Variants in TCEANC2 observed in about 807,000 individuals in gnomAD.
TCEANC2 encodes transcription elongation factor A N-terminal and central domain containing 2, also known as transcription elongation factor A N-terminal and central domain-containing protein 2.
A neutral mutation model predicts 22.8 loss-of-function variants in TCEANC2; 20 were observed. The observed-to-expected ratio is 0.88, with a 90% confidence interval of 0.62 to 1.28. The LOEUF (loss-of-function observed/expected upper bound fraction) is 1.28, where lower values mean the gene tolerates loss of function less well. TCEANC2 is among the 50% of genes most tolerant of loss of function. The probability of loss-of-function intolerance (pLI) is 0.00; values close to 1 mark genes in which losing one functional copy is unlikely to be tolerated. For missense variants in TCEANC2, 251 were observed against 249.7 expected (o/e 1.01, Z -0.03); for synonymous variants, 84 against 95.5 (o/e 0.88, Z 0.70).
At chr1:54,110,868 T>C (rs1658827923), downstream of TCEANC2, among the ~76,000 whole-genome samples, 1 of 152,076 alleles carries the variant, frequency 6.6e-6, no homozygotes, top group Non-Finnish European at 1.5e-5. Context: ...CGAGGTGACT[T>C]CTTGTCCTTC....
rs536856173 is a variant in TCEANC2, at chr1:54,068,261, G to T, written c.103-495G>T. Reference sequence around the variant, plus strand: ...CATTATAAATAGTGGGTTACTCTCTGTATCTTTCTATGTGTTTGAAGTTTT... The same window carrying T: ...CATTATAAATAGTGGGTTACTCTCTTTATCTTTCTATGTGTTTGAAGTTTT... On this transcript the variant is annotated intron_variant, in intron 2 of 4. Transcript: ENST00000234827. 5.3e-5 allele frequency among the ~76,000 whole-genome samples: 8 copies of T among 152,312 alleles called. No individual in the cohort carries two copies. The South Asian group carries it at 1.7e-3, about 32-fold the overall frequency.
intron 2 of TCEANC2, among the ~76,000 whole-genome samples, chr1:54,063,521 C>G (rs1350293998): frequency 1.3e-5 from 2 of 152,122 alleles, no homozygotes; most frequent in African/African-American, 4.8e-5. Context: ...TAGTCTAAAT[C>G]ATTTCTAGAT....
Position 54,097,130 on chromosome 1 carries a change from G to T in TCEANC2, c.*657G>T, listed in dbSNP as rs1658573387. ...CCTCAGGGTTTATTTGAATACGCTG[G>T]CGCTCTCAGTTTAGGGCTCTGTAGA... On this transcript the variant is annotated 3_prime_UTR_variant, in exon 5 of 5. Transcript: ENST00000234827. 7.5e-6 allele frequency: 2 copies of T among 265,950 alleles called. No individual in the cohort carries two copies. The highest frequency in any genetic ancestry group is 1.2e-5 in the Non-Finnish European group (2 of 171,778). The allele number at this position is 265,950 out of a possible 1,614,324, so 16.5% of individuals were successfully genotyped here.
intron 2 of TCEANC2, among the ~76,000 whole-genome samples, chr1:54,064,539 A>C (rs923386474): frequency 2.6e-5 from 4 of 152,152 alleles, no homozygotes; most frequent in African/African-American, 9.7e-5. Context: ...TGGTTGTGGA[A>C]GGTGACTAAT....
intron 3 of TCEANC2, among the ~76,000 whole-genome samples, chr1:54,072,170 G>A (rs1658069217): frequency 6.6e-6 from 1 of 152,030 alleles, no homozygotes; most frequent in African/African-American, 2.4e-5. Flanking sequence ...CTCCTTCTGA[G>A]ATTCTATAAT....
At chr1:54,081,804 G>A (rs946219112) in intron 3 of TCEANC2, among the ~76,000 whole-genome samples, 6 of 152,162 alleles carry the variant, frequency 3.9e-5, no homozygotes, top group African/African-American at 9.7e-5. Context: ...ACCAGTCTGG[G>A]CATGGCTCTT....
rs548818676 is a variant in TCEANC2, at chr1:54,076,692, A to G, written c.244+7795A>G. On this transcript the variant is annotated intron_variant, in intron 3 of 4. Transcript: ENST00000234827. ...GAAAAATGCATAGGAAAAGGGTGTT[A>G]TAGAGAAAGAACAGGTAGAAATCAG... Among the ~76,000 whole-genome samples, 6 of 152,282 alleles carry G rather than the reference A, an allele frequency of 3.9e-5. No individual in the cohort carries two copies. In the South Asian group the frequency reaches 1.2e-3, roughly 32 times the overall value.
rs1273585902 is a variant in TCEANC2, at chr1:54,098,954, A to G, written c.*2481A>G. 1 of 152,636 alleles carries G rather than the reference A, an allele frequency of 6.6e-6. No homozygotes were observed. Among genetic ancestry groups the G allele is most frequent in the Non-Finnish European group, 1.5e-5 (1 of 68,298 alleles). 9.5% of individuals were successfully genotyped at this position (152,636 alleles called of 1,614,324 possible). A position where few individuals can be genotyped will look rare whatever the true frequency, so the allele number is the denominator to read the frequency against. On this transcript the variant is annotated 3_prime_UTR_variant, in exon 5 of 5. Transcript: ENST00000234827. ...GGAAGGTGATTGGTATGGCTGGAGTAGAGGACACTGGCAGGAGAGTAGCTG... is the reference window on the plus strand; with the variant it reads ...GGAAGGTGATTGGTATGGCTGGAGTGGAGGACACTGGCAGGAGAGTAGCTG...
intron 3 of TCEANC2, among the ~76,000 whole-genome samples, chr1:54,075,248 C>T (rs965616368): frequency 3.9e-5 from 6 of 152,096 alleles, no homozygotes; most frequent in East Asian, 1.9e-4. Context: ...TAATGATTGA[C>T]GTGAAAATGC....
intron 2 of TCEANC2, among the ~76,000 whole-genome samples, chr1:54,055,526 C>T (rs150385736): frequency 6.6e-5 from 10 of 152,328 alleles, no homozygotes; most frequent in Non-Finnish European, 1.2e-4. Flanking sequence ...TTGTTCTCCT[C>T]AGAGTTCTGT....
At chr1:54,059,082 A>G (rs1657803977) in intron 2 of TCEANC2, among the ~76,000 whole-genome samples, 1 of 151,312 alleles carries the variant, frequency 6.6e-6, no homozygotes, top group Non-Finnish European at 1.5e-5. Flanking sequence ...CCATTTGTCA[A>G]CCCACTCAAG....
rs1421566423 is a variant in TCEANC2, at chr1:54,097,904, A to G, written c.*1431A>G. The G allele has an allele frequency of 6.6e-6, 1 of 152,224 alleles. No homozygotes were observed. Among genetic ancestry groups the G allele is most frequent in the Non-Finnish European group, 1.5e-5 (1 of 68,040 alleles). 9.4% of individuals were successfully genotyped at this position (152,224 alleles called of 1,614,324 possible). A position where few individuals can be genotyped will look rare whatever the true frequency, so the allele number is the denominator to read the frequency against. Reference sequence around the variant, plus strand: ...CCCTGGGCCCAGCACTGTGGTAACCATTTTACAAAAAGAAAATACCCAGTT... The same window carrying G: ...CCCTGGGCCCAGCACTGTGGTAACCGTTTTACAAAAAGAAAATACCCAGTT... On this transcript the variant is annotated 3_prime_UTR_variant, in exon 5 of 5. Transcript: ENST00000234827.
chr1:54,087,719 C>T (rs1009360036), intron 3 of TCEANC2, among the ~76,000 whole-genome samples: 2 of 152,164 alleles, frequency 1.3e-5, no homozygotes, highest in Non-Finnish European at 2.9e-5. Context: ...TTTTAATCTA[C>T]AGCAGTCCCT....
chr1:54,108,048 C>CTAA (rs774262211), downstream of TCEANC2, among the ~76,000 whole-genome samples: 2 of 152,232 alleles, frequency 1.3e-5, no homozygotes, highest in African/African-American at 2.4e-5. Flanking sequence ...GAACTCAGAG[C>CTAA]TAATAGCCCT....
intron 1 of TCEANC2, chr1:54,054,161 G>T: frequency 8.4e-7 from 1 of 1,193,316 alleles, no homozygotes. Context: ...ACTTCTGGAA[G>T]CTAGGAACCT....
chr1:54,090,092 T>C, intron 4 of TCEANC2: 1 of 593,362 alleles, frequency 1.7e-6, no homozygotes, highest in South Asian at 1.9e-5. Context: ...AATGGAGAGA[T>C]CAGTAATCAT....
intron 4 of TCEANC2, chr1:54,089,914 C>A (rs1385547284): frequency 4.0e-6 from 3 of 747,122 alleles, no homozygotes; most frequent in Non-Finnish European, 7.0e-6. Flanking sequence ...ATTCAGCAAA[C>A]AATGGCAAGG....
At chr1:54,080,146 CTTT>C (rs869271204) in intron 3 of TCEANC2, among the ~76,000 whole-genome samples, 6 of 134,122 alleles carry the variant, frequency 4.5e-5, no homozygotes, top group Admixed American at 7.5e-5. Flanking sequence ...AATTTTCTTT[CTTT>C]TTTTTTTTTT....
intron 2 of TCEANC2, among the ~76,000 whole-genome samples, chr1:54,064,692 CTTTTTTTTTTTTTTT>C (rs67486092): frequency 1.1e-5 from 1 of 93,672 alleles, no homozygotes; most frequent in African/African-American, 4.5e-5. Context: ...TGCATTTTTC[CTTTTTTTTTTTTTTT>C]TTTTTTTTGG....
Sources: gnomAD v4.1 joint callset for allele counts (sites outside exome capture counted in the v4.1 genomes callset) on GRCh38, gnomAD v4.1.1 for gene constraint, MANE v1.5 for transcripts, NCBI Gene and HGNC (gene_info 2026-07-23, HGNC 2026-07-21) for gene names.